Variants in KIRREL1 observed in about 807,000 individuals in gnomAD.
KIRREL1 encodes the protein kirre like nephrin family adhesion molecule 1.
In KIRREL1, 25 loss-of-function variants were observed where a neutral mutation model predicts 83.3. That is an observed-to-expected ratio of 0.30 (90% CI 0.22 to 0.42). KIRREL1 has a LOEUF of 0.42. KIRREL1 is among the 10% of genes least tolerant of loss of function. The pLI is 1.00. For synonymous variants in KIRREL1, 388 were observed against 410.4 expected, an observed-to-expected ratio of 0.95 and a Z score of 0.66; for missense variants, 812 against 1,032.3, an observed-to-expected ratio of 0.79 and a Z score of 2.92.
At chr1:157,999,138 C>T (rs1192700149) in intron 1 of KIRREL1, among the ~76,000 whole-genome samples, 3 of 152,190 alleles carry the variant, frequency 2.0e-5, no homozygotes, top group African/African-American at 7.2e-5. Flanking sequence ...CCTCACTCAG[C>T]TCAGCCCCCT....
intron 1 of KIRREL1, among the ~76,000 whole-genome samples, chr1:158,006,070 A>G (rs1659511118): frequency 6.6e-6 from 1 of 152,212 alleles, no homozygotes; most frequent in African/African-American, 2.4e-5. Context: ...ACACAGGCAA[A>G]GTACAGATGG....
In KIRREL1 at chr1:158,088,154, T is replaced by C; in HGVS notation, c.916T>C (p.Phe306Leu). 6.2e-7 allele frequency: 1 copy of C among 1,614,164 alleles called. No individual in the cohort carries two copies. Among genetic ancestry groups the C allele is most frequent in the Non-Finnish European group, 8.5e-7 (1 of 1,180,032 alleles). ...TNVSTLVNVH[F>L]APRIVVDPKP... ...TGTCAGCACTTTAGTAAATGTCCAC[T>C]GTGAGTAGCTGGGAGGGCAGGGACG... is the stretch of plus-strand genomic sequence containing the variant. Residue 306 changes from phenylalanine (F) to leucine (L), a missense_variant and splice_region_variant, in exon 7 of 15, where the codon TTT becomes CTT. Coordinates refer to ENST00000359209, the MANE Select transcript of KIRREL1 (RefSeq NM_018240.7).
chr1:157,996,868 G>GC (rs1659220000), intron 1 of KIRREL1, among the ~76,000 whole-genome samples: 1 of 152,136 alleles, frequency 6.6e-6, no homozygotes, highest in African/African-American at 2.4e-5. Context: ...CAGTGCCTCA[G>GC]CCCTGGGCCC....
At chr1:157,996,674 CAT>C (rs1449162949) in intron 1 of KIRREL1, among the ~76,000 whole-genome samples, 1 of 152,224 alleles carries the variant, frequency 6.6e-6, no homozygotes, top group East Asian at 1.9e-4. Flanking sequence ...CGGTGCTACA[CAT>C]AGACACATAT....
In KIRREL1 at chr1:158,048,888, A is replaced by G. The variant is rs557624512; in HGVS notation, c.53-27225A>G. Among the ~76,000 whole-genome samples the G allele has an allele frequency of 3.9e-5, 6 of 152,288 alleles. No individual in the cohort carries two copies. The South Asian group carries it at 6.2e-4, about 16-fold the overall frequency. ...TGTTTGAACAATAACAAGCAGTCCA[A>G]TTTGGTAGGAGTTGAGCTCACTTCT... On this transcript the variant is annotated intron_variant, in intron 1 of 14. Coordinates refer to ENST00000359209, the MANE Select transcript of KIRREL1 (RefSeq NM_018240.7).
At chr1:158,061,983 G>A (rs1379040317) in intron 1 of KIRREL1, among the ~76,000 whole-genome samples, 1 of 152,136 alleles carries the variant, frequency 6.6e-6, no homozygotes. Context: ...GGAAATGAGG[G>A]CACAGAGCTG....
At chr1:158,075,178 G>C (rs1411332005) in intron 1 of KIRREL1, among the ~76,000 whole-genome samples, 2 of 152,210 alleles carry the variant, frequency 1.3e-5, no homozygotes. Flanking sequence ...CCAGTGGGTG[G>C]GAGTGGTGGG....
At chr1:158,057,574 T>C (rs1180942028) in intron 1 of KIRREL1, among the ~76,000 whole-genome samples, 1 of 152,204 alleles carries the variant, frequency 6.6e-6, no homozygotes, top group Non-Finnish European at 1.5e-5. Context: ...CCATAGCCAC[T>C]GCTTCCAGGA....
intron 11 of KIRREL1, 128 bp from the exon 12 acceptor site, chr1:158,093,211 T>A (rs1217406096): frequency 1.3e-6 from 1 of 743,566 alleles, no homozygotes; most frequent in Non-Finnish European, 2.4e-6. Context: ...CCAGGCTCAG[T>A]CAAAACTTAG....
chr1:158,078,109 G>A lies in KIRREL1; in HGVS notation c.321G>A (p.Leu107=), dbSNP rs2101627142. The change falls in exon 3 of 15, where the codon CTG becomes CTA. Residue 107 remains leucine (L), a synonymous_variant. Coordinates refer to ENST00000359209, the MANE Select transcript of KIRREL1 (RefSeq NM_018240.7). ...SYECQATEAA[L]RSRRAKLTVL... The stretch of plus-strand genomic sequence containing the variant: ...AGTGCCAGGCCACGGAGGCCGCCCT[G>A]CGCTCTCGGCGGGCCAAACTCACCG... 6.2e-7 allele frequency: 1 copy of A among 1,614,136 alleles called. No individual in the cohort carries two copies. The highest frequency in any genetic ancestry group is 8.5e-7 in the Non-Finnish European group (1 of 1,180,026).
At chr1:158,032,959 C>T (rs575729809) in intron 1 of KIRREL1, among the ~76,000 whole-genome samples, 7 of 152,242 alleles carry the variant, frequency 4.6e-5, no homozygotes, top group South Asian at 4.1e-4. Flanking sequence ...TTAGTAGAGA[C>T]GCGGTTTCAC....
chr1:158,096,695 A>G lies in KIRREL1; in HGVS notation c.*1575A>G, dbSNP rs1662363351. 1 of 456,570 alleles carries G rather than the reference A, an allele frequency of 2.2e-6. No homozygotes were observed. Among genetic ancestry groups the G allele is most frequent in the African/African-American group, 2.0e-5 (1 of 50,046 alleles). The allele number at this position is 456,570 out of a possible 1,614,324, so 28.3% of individuals were successfully genotyped here. ...CACACCTTCCATGTGACTGCTTCTC[A>G]GCCACCACTTTCTGACCAAAGAGAA... On this transcript the variant is annotated 3_prime_UTR_variant, in exon 15 of 15. Coordinates refer to ENST00000359209, the MANE Select transcript of KIRREL1 (RefSeq NM_018240.7).
At chr1:157,999,397 T>G (rs1659293768) in intron 1 of KIRREL1, among the ~76,000 whole-genome samples, 1 of 152,156 alleles carries the variant, frequency 6.6e-6, no homozygotes, top group African/African-American at 2.4e-5. Context: ...CATGTACCAT[T>G]TGATAGAGAG....
chr1:158,005,690 G>T (rs528005955), intron 1 of KIRREL1, among the ~76,000 whole-genome samples: 2 of 152,228 alleles, frequency 1.3e-5, no homozygotes, highest in Admixed American at 1.3e-4. Flanking sequence ...TGCATGATTT[G>T]GGAAGGAAGG....
rs889035289 is a variant in KIRREL1, at chr1:158,100,193, T to A, written c.*5073T>A. 1 of 149,686 alleles carries A rather than the reference T, an allele frequency of 6.7e-6. No individual in the cohort carries two copies. Among genetic ancestry groups the A allele is most frequent in the African/African-American group, 2.4e-5 (1 of 41,156 alleles). The allele number at this position is 149,686 out of a possible 1,614,324, so 9.3% of individuals were successfully genotyped here. A position where few individuals can be genotyped will look rare whatever the true frequency, so the allele number is the denominator to read the frequency against. The stretch of plus-strand genomic sequence containing the variant: ...AAAATATTATGTACTATATTTTTAG[T>A]CTCAAACACACTATATATTATATAT... On this transcript the variant is annotated 3_prime_UTR_variant, in exon 15 of 15. Transcript: ENST00000359209.
intron 10 of KIRREL1, among the ~76,000 whole-genome samples, chr1:158,090,838 G>T (rs61818120): frequency 6.6e-6 from 1 of 152,316 alleles, no homozygotes; most frequent in South Asian, 2.1e-4. Flanking sequence ...GCATTGTCTA[G>T]CCCTAGCCTG....
rs542023652 is a variant in KIRREL1, at chr1:158,011,047, C to T, written c.52+17319C>T. On this transcript the variant is annotated intron_variant, in intron 1 of 14. Coordinates refer to ENST00000359209, the MANE Select transcript of KIRREL1 (RefSeq NM_018240.7). ...GAAAACCAGGGCCCTCTACTTGGAG[C>T]GGGCTGGAATCTCAGATTGTCTGCA... Among the ~76,000 whole-genome samples, 5 of 152,258 alleles carry T rather than the reference C, an allele frequency of 3.3e-5. No homozygotes were observed. In the South Asian group the frequency reaches 1.0e-3, roughly 32 times the overall value.
At chr1:157,998,568 C>T (rs1170492141) in intron 1 of KIRREL1, among the ~76,000 whole-genome samples, 1 of 152,166 alleles carries the variant, frequency 6.6e-6, no homozygotes, top group African/African-American at 2.4e-5. Context: ...TATTCTTGTT[C>T]CATGCAAGGC....
intron 1 of KIRREL1, among the ~76,000 whole-genome samples, chr1:157,998,121 C>T (rs764302949): frequency 5.6e-4 from 85 of 152,164 alleles, no homozygotes; most frequent in Non-Finnish European, 1.1e-3. Context: ...TCTTACATCT[C>T]GGCTTCCCAA....
Sources: gnomAD v4.1 joint callset for allele counts (sites outside exome capture counted in the v4.1 genomes callset) on GRCh38, gnomAD v4.1.1 for gene constraint, MANE v1.5 for transcripts, NCBI Gene and HGNC (gene_info 2026-07-23, HGNC 2026-07-21) for gene names.